The following VEZT variants were observed in gnomAD, a reference collection of about 807,000 sequenced individuals.
The protein encoded by VEZT is vezatin, adherens junctions transmembrane protein, also known as vezatin.
In VEZT, 39 loss-of-function variants were observed where a neutral mutation model predicts 79.9. The observed-to-expected ratio is 0.49, with a 90% CI of 0.38 to 0.64. The LOEUF (loss-of-function observed/expected upper bound fraction) is 0.64, where lower values mean the gene tolerates loss of function less well. Ranked by LOEUF, VEZT falls within the 30% of genes least tolerant of loss-of-function variation. VEZT has a pLI of 0.00. For missense variants in VEZT, 837 were observed against 893.1 expected, an observed-to-expected ratio of 0.94 and a Z score of 0.80; for synonymous variants, 325 against 327.6, an observed-to-expected ratio of 0.99 and a Z score of 0.09.
chr12:95,260,795 C>T (rs1179207054), intron 3 of VEZT, among the ~76,000 whole-genome samples: 1 of 152,134 alleles, frequency 6.6e-6, no homozygotes, highest in Non-Finnish European at 1.5e-5. Flanking sequence ...ACTCAAAAAG[C>T]TACCATGCCC....
At chr12:95,251,256 C>A (rs1261409605) in intron 1 of VEZT, among the ~76,000 whole-genome samples, 1 of 152,158 alleles carries the variant, frequency 6.6e-6, no homozygotes, top group African/African-American at 2.4e-5. Context: ...GATGATCCAC[C>A]CACCTTGTCC....
intron 1 of VEZT, among the ~76,000 whole-genome samples, chr12:95,219,286 A>G (rs928956399): frequency 1.3e-5 from 2 of 152,208 alleles, no homozygotes; most frequent in African/African-American, 4.8e-5. Context: ...ATTTTATTGT[A>G]GAAAATAAGC....
intron 2 of VEZT, among the ~76,000 whole-genome samples, chr12:95,253,009 T>C (rs1268739150): frequency 1.3e-5 from 2 of 152,154 alleles, no homozygotes; most frequent in Admixed American, 6.5e-5. Context: ...ATGAGACAGC[T>C]GAAGCATAGG....
chr12:95,279,010 T>C (rs1272156752), intron 7 of VEZT, among the ~76,000 whole-genome samples: 1 of 152,174 alleles, frequency 6.6e-6, no homozygotes, highest in Non-Finnish European at 1.5e-5. Context: ...GCGGAAGTTG[T>C]GGTGAGCCAA....
At chr12:95,268,501 A>C (rs2065972239) in intron 5 of VEZT, among the ~76,000 whole-genome samples, 2 of 152,206 alleles carry the variant, frequency 1.3e-5, no homozygotes, top group African/African-American at 4.8e-5. Flanking sequence ...CCGTTTCAAA[A>C]ACAAAAAAAA....
rs869030351 is a variant in VEZT, at chr12:95,285,982, C to CTTTTTTT, written c.1329-1662_1329-1656dup. On this transcript the variant is annotated intron_variant, in intron 8 of 11. Coordinates refer to ENST00000436874, the MANE Select transcript of VEZT (RefSeq NM_017599.4). ...ACCAAGACGCTCCCCCCGACCCCTTCTTTTTTTTTTTTTTTTTTTTTTTTT... is the reference window on the plus strand; with the variant it reads ...ACCAAGACGCTCCCCCCGACCCCTTCTTTTTTTTTTTTTTTTTTTTTTTTTTTTTTTT... Among the ~76,000 whole-genome samples, 9 of 85,852 alleles carry CTTTTTTT rather than the reference C, an allele frequency of 1.0e-4. 1 individual carries two copies. In the East Asian group the frequency reaches 2.1e-3, roughly 20 times the overall value. 56.3% of individuals were successfully genotyped at this position (85,852 alleles called of 152,430 possible). A position where few individuals can be genotyped will look rare whatever the true frequency, so the allele number is the denominator to read the frequency against.
At chr12:95,242,906 T>C (rs1008920928) in intron 1 of VEZT, among the ~76,000 whole-genome samples, 4 of 146,718 alleles carry the variant, frequency 2.7e-5, no homozygotes, top group Admixed American at 2.0e-4. Flanking sequence ...ATCAGTAAAA[T>C]GATATTTTCC....
chr12:95,236,901 A>T (rs147683320), intron 1 of VEZT, among the ~76,000 whole-genome samples: 1 of 152,162 alleles, frequency 6.6e-6, no homozygotes. Context: ...CTGAATTCTT[A>T]CATGTGAACT....
chr12:95,244,969 A>C (rs2061530895), intron 1 of VEZT, among the ~76,000 whole-genome samples: 1 of 152,170 alleles, frequency 6.6e-6, no homozygotes, highest in African/African-American at 2.4e-5. Flanking sequence ...AAGGTGGCTC[A>C]TGCCTGTAAT....
At position 95,282,577 on chromosome 12, in the gene VEZT, A is replaced by G. The variant is rs543130955; in HGVS notation, c.1261A>G (p.Arg421Gly). 2 of 1,614,038 alleles carry G rather than the reference A, an allele frequency of 1.2e-6. No individual in the cohort carries two copies. Among genetic ancestry groups the G allele is most frequent in the South Asian group, 1.1e-5 (1 of 91,088 alleles). The change falls in exon 8 of 12, where the codon AGA (arginine) becomes GGA (glycine). Residue 421 changes from arginine (R) to glycine (G), a missense_variant. Coordinates refer to ENST00000436874, the MANE Select transcript of VEZT (RefSeq NM_017599.4). ...TTTATCCAAAACTCAACAGAAGTCA[A>G]GAGAACTGAATAATGTTCACACAGC... ...QCLSKTQQKS[R>G]ELNNVHTAVR... is the part of the protein sequence containing the mutation.
intron 9 of VEZT, among the ~76,000 whole-genome samples, chr12:95,290,454 G>A (rs888449516): frequency 1.3e-5 from 2 of 152,012 alleles, no homozygotes; most frequent in African/African-American, 2.4e-5. Context: ...AATACTACTC[G>A]GCAACAAAAA....
chr12:95,277,664 CCTGA>C (rs948677761), intron 7 of VEZT, among the ~76,000 whole-genome samples: 1 of 152,000 alleles, frequency 6.6e-6, no homozygotes, highest in Non-Finnish European at 1.5e-5. Context: ...ATATTTTAGC[CCTGA>C]CTGACTAGCC....
chr12:95,293,148 C>A (rs372200921), intron 9 of VEZT, among the ~76,000 whole-genome samples: 5 of 152,302 alleles, frequency 3.3e-5, no homozygotes, highest in East Asian at 3.9e-4. Flanking sequence ...CTGTGCCCAG[C>A]CAGTTAACTA....
At chr12:95,225,760 G>A (rs2058349326) in intron 1 of VEZT, among the ~76,000 whole-genome samples, 1 of 13,788 alleles carries the variant, frequency 7.3e-5, no homozygotes, top group Non-Finnish European at 1.3e-4. Context: ...TTGTTTCATA[G>A]CAAAAAAAAA....
intron 8 of VEZT, among the ~76,000 whole-genome samples, chr12:95,285,817 A>G (rs2070620141): frequency 6.6e-6 from 1 of 152,198 alleles, no homozygotes; most frequent in African/African-American, 2.4e-5. Flanking sequence ...GAAAGCTTGT[A>G]TTTATTTATT....
At chr12:95,231,082 T>G (rs2059214173) in intron 1 of VEZT, among the ~76,000 whole-genome samples, 1 of 152,232 alleles carries the variant, frequency 6.6e-6, no homozygotes, top group Non-Finnish European at 1.5e-5. Context: ...AGGTTACTCT[T>G]TTTAAAAATG....
At chr12:95,248,821 CAAAAAAAA>C (rs3080331) in intron 1 of VEZT, among the ~76,000 whole-genome samples, 1 of 104,674 alleles carries the variant, frequency 9.6e-6, no homozygotes, top group Non-Finnish European at 2.0e-5. Context: ...GACCCTATCT[CAAAAAAAA>C]AAAAAAAAAG....
At chr12:95,257,274 T>A (rs944436075) in intron 3 of VEZT, 35 bp downstream of exon 3, 3 of 1,466,258 alleles carry the variant, frequency 2.0e-6, no homozygotes, top group African/African-American at 2.8e-5. Flanking sequence ...CTTTTCAGGG[T>A]TCTAGGTTAT....
At chr12:95,267,676 A>G (rs1315009138) in intron 5 of VEZT, among the ~76,000 whole-genome samples, 1 of 152,232 alleles carries the variant, frequency 6.6e-6, no homozygotes, top group African/African-American at 2.4e-5. Context: ...TGTTCTACAC[A>G]CAATCCCAAG....
Sources: gnomAD v4.1 joint callset for allele counts (sites outside exome capture counted in the v4.1 genomes callset) on GRCh38, gnomAD v4.1.1 for gene constraint, MANE v1.5 for transcripts, NCBI Gene and HGNC (gene_info 2026-07-23, HGNC 2026-07-21) for gene names.